L3MBTL4: variants seen among roughly 807,000 people sequenced by gnomAD.
The protein encoded by L3MBTL4 is lethal(3)malignant brain tumor-like protein 4.
L3MBTL4 carries 70 observed loss-of-function variants against 84.5 expected under a neutral mutation model. The observed-to-expected ratio is 0.83, with a 90% CI of 0.68 to 1.01. The LOEUF is 1.01. Ranked by LOEUF, L3MBTL4 falls within the 50% of genes least tolerant of loss-of-function variation. The pLI is 0.00. For missense variants in L3MBTL4, 715 were observed against 754.8 expected, an observed-to-expected ratio of 0.95 and a Z score of 0.62; for synonymous variants, 274 against 259.8, an observed-to-expected ratio of 1.05 and a Z score of -0.52.
At chr18:6,316,439 G>A (rs2051102879) in intron 1 of L3MBTL4, among the ~76,000 whole-genome samples, 1 of 152,210 alleles carries the variant, frequency 6.6e-6, no homozygotes, top group African/African-American at 2.4e-5. Flanking sequence ...GTTTCTTTCA[G>A]CAGAGGCATT....
chr18:6,030,723 T>C (rs2145598777), intron 16 of L3MBTL4: 1 of 974,376 alleles, frequency 1.0e-6, no homozygotes, highest in Admixed American at 6.2e-5. Flanking sequence ...TTTAATGCTA[T>C]CTCCATTTCT....
At chr18:6,275,778 C>T (rs1303153408) in intron 4 of L3MBTL4, among the ~76,000 whole-genome samples, 1 of 151,896 alleles carries the variant, frequency 6.6e-6, no homozygotes, top group Non-Finnish European at 1.5e-5. Context: ...TATGACAAGA[C>T]AAAGGGAAAA....
intron 3 of L3MBTL4, among the ~76,000 whole-genome samples, chr18:6,302,493 A>T (rs981335394): frequency 6.6e-6 from 1 of 152,234 alleles, no homozygotes; most frequent in Non-Finnish European, 1.5e-5. Flanking sequence ...AGCAAGCAAG[A>T]TGGTGCAGCC....
intron 14 of L3MBTL4, among the ~76,000 whole-genome samples, chr18:6,118,728 C>T (rs1321425955): frequency 1.3e-5 from 2 of 152,166 alleles, no homozygotes; most frequent in Non-Finnish European, 2.9e-5. Flanking sequence ...CTCTTCTACT[C>T]AGAAGAAACC....
rs1480257542 is a variant in L3MBTL4 at position 5,974,035 on chromosome 18, A to C, written c.1445-4473T>G. On this transcript the variant is annotated intron_variant, in intron 16 of 18. Coordinates refer to ENST00000317931, the MANE Select transcript of L3MBTL4 (RefSeq NM_001330559.2). ...AACACCAATGTGACAATAAATAAAG[A>C]TGTCCTTACGTGTAGGATGCCTTCT... Among the ~76,000 whole-genome samples the C allele has an allele frequency of 2.0e-5, 3 of 152,232 alleles. No homozygotes were observed. In the East Asian group the frequency reaches 5.8e-4, roughly 29 times the overall value.
intron 16 of L3MBTL4, among the ~76,000 whole-genome samples, chr18:6,027,456 T>C (rs1451424295): frequency 6.6e-6 from 1 of 152,234 alleles, no homozygotes; most frequent in Non-Finnish European, 1.5e-5. Flanking sequence ...TTTGGGTTGG[T>C]TCTAAGTCTT....
chr18:6,318,555 A>T (rs2051240895), intron 1 of L3MBTL4, among the ~76,000 whole-genome samples: 2 of 149,200 alleles, frequency 1.3e-5, no homozygotes, highest in Middle Eastern at 6.9e-3. Flanking sequence ...TAATAATAAA[A>T]GGATCAATCC....
intron 10 of L3MBTL4, among the ~76,000 whole-genome samples, chr18:6,217,534 T>A (rs1414393027): frequency 6.6e-6 from 1 of 152,216 alleles, no homozygotes; most frequent in Non-Finnish European, 1.5e-5. Context: ...CTGATTGTGG[T>A]CATTTGGGTG....
At chr18:6,234,041 A>C (rs1353615352) in intron 10 of L3MBTL4, among the ~76,000 whole-genome samples, 1 of 152,202 alleles carries the variant, frequency 6.6e-6, no homozygotes, top group African/African-American at 2.4e-5. Flanking sequence ...ATCTTTGACA[A>C]ACCTGACAAA....
intron 1 of L3MBTL4, among the ~76,000 whole-genome samples, chr18:6,318,697 C>T (rs405167): frequency 0.19 from 28,141 of 151,474 alleles, 2,713 homozygotes; most frequent in Middle Eastern, 0.22. Flanking sequence ...ACTTCAACAC[C>T]GCACTGACAG....
In L3MBTL4 at chr18:6,138,307, T is replaced by G. The variant is rs755877242; in HGVS notation, c.1097-11A>C. Reference sequence around the variant, plus strand: ...TCAGGTCATTCGTTCCTTCAGGAAGTAAAAGAACATGCCTTGAAAACACCC... The same window carrying G: ...TCAGGTCATTCGTTCCTTCAGGAAGGAAAAGAACATGCCTTGAAAACACCC... On this transcript the variant is annotated splice_polypyrimidine_tract_variant and intron_variant, in intron 13 of 18. Transcript: ENST00000317931. 4 of 1,554,620 alleles carry G rather than the reference T, an allele frequency of 2.6e-6. No homozygotes were observed. In the Admixed American group the frequency reaches 6.8e-5, roughly 26 times the overall value.
intron 9 of L3MBTL4, among the ~76,000 whole-genome samples, chr18:6,239,070 G>A (rs994410554): frequency 6.6e-5 from 10 of 152,038 alleles, no homozygotes; most frequent in East Asian, 3.9e-4. Flanking sequence ...GGCCAGGCGC[G>A]GTGGCTCACG....
chr18:6,274,478 G>A (rs1270829430), intron 4 of L3MBTL4, among the ~76,000 whole-genome samples: 1 of 152,108 alleles, frequency 6.6e-6, no homozygotes, highest in Admixed American at 6.6e-5. Context: ...TTGCACTACA[G>A]CCCATTACTT....
At chr18:6,016,147 G>A (rs2054967175) in intron 16 of L3MBTL4, among the ~76,000 whole-genome samples, 1 of 152,084 alleles carries the variant, frequency 6.6e-6, no homozygotes. Context: ...AGGTGTGGAA[G>A]TGGGGTTGGC....
At chr18:6,167,999 T>G (rs2043764687) in intron 13 of L3MBTL4, among the ~76,000 whole-genome samples, 1 of 152,144 alleles carries the variant, frequency 6.6e-6, no homozygotes, top group African/African-American at 2.4e-5. Flanking sequence ...AAAATCAATG[T>G]GCAAAAATCA....
intron 10 of L3MBTL4, among the ~76,000 whole-genome samples, chr18:6,222,602 G>C (rs150524620): frequency 6.6e-6 from 1 of 152,142 alleles, no homozygotes; most frequent in South Asian, 2.1e-4. Context: ...AAAATAAAAA[G>C]CTAGGGTTGT....
intron 16 of L3MBTL4, chr18:6,031,872 T>A: frequency 2.0e-6 from 2 of 976,396 alleles, no homozygotes; most frequent in Non-Finnish European, 2.4e-6. Context: ...GTTACACAGA[T>A]ATATTGCATA....
chr18:5,999,454 C>A (rs2054120959), intron 16 of L3MBTL4, among the ~76,000 whole-genome samples: 1 of 152,164 alleles, frequency 6.6e-6, no homozygotes, highest in South Asian at 2.1e-4. Context: ...TCTGAGCACG[C>A]CCTACCTTCC....
At chr18:6,077,375 A>T (rs7235324) in intron 16 of L3MBTL4, among the ~76,000 whole-genome samples, 4,092 of 152,108 alleles carry the variant, frequency 0.027, 166 homozygotes, top group African/African-American at 0.094. Flanking sequence ...ATCCAATCTT[A>T]TGTTTATATA....
Sources: allele counts gnomAD v4.1 joint callset (sites outside exome capture counted in the v4.1 genomes callset), GRCh38; gene constraint gnomAD v4.1.1; transcripts MANE v1.5; gene names NCBI Gene and HGNC (gene_info 2026-07-23, HGNC 2026-07-21).